The following TBC1D16 variants were observed in gnomAD, a reference collection of about 807,000 sequenced individuals.
The protein encoded by TBC1D16 is TBC1 domain family member 16.
TBC1D16 carries 58 observed loss-of-function variants against 74.7 expected under a neutral mutation model. That is an observed-to-expected ratio of 0.78 (90% CI 0.63 to 0.97). The LOEUF (loss-of-function observed/expected upper bound fraction) is 0.97. Among genes scored for constraint, TBC1D16 ranks in the 50% least tolerant of loss-of-function variants. The pLI, the probability that TBC1D16 is intolerant of heterozygous loss-of-function variation, is 0.00. For missense variants in TBC1D16, 1,014 were observed against 1,079.5 expected (o/e 0.94, Z 0.85); for synonymous variants, 493 against 474.7 (o/e 1.04, Z -0.50).
intron 3 of TBC1D16, among the ~76,000 whole-genome samples, chr17:79,965,256 A>G (rs1424765951): frequency 6.6e-6 from 1 of 151,710 alleles, no homozygotes; most frequent in Non-Finnish European, 1.5e-5. Flanking sequence ...ATTTTTTTGA[A>G]TTTTTAGTAG....
intron 8 of TBC1D16, 61 bp from the exon 9 acceptor site, chr17:79,947,892 C>G: frequency 7.0e-7 from 1 of 1,423,840 alleles, no homozygotes; most frequent in Non-Finnish European, 9.7e-7. Flanking sequence ...CACTGCCCAG[C>G]CTGCAGAACC....
chr17:79,963,639 T>C (rs1336470634), intron 3 of TBC1D16, among the ~76,000 whole-genome samples: 1 of 152,220 alleles, frequency 6.6e-6, no homozygotes, highest in Non-Finnish European at 1.5e-5. Flanking sequence ...ATTTTTAATT[T>C]TTTGAGGAAC....
chr17:79,965,010 G>A (rs1029836368), intron 3 of TBC1D16, among the ~76,000 whole-genome samples: 3 of 152,022 alleles, frequency 2.0e-5, no homozygotes, highest in African/African-American at 7.2e-5. Flanking sequence ...TACTTTCACC[G>A]CATTAAAAGA....
At chr17:80,005,095 T>C (rs1465813934) in intron 3 of TBC1D16, among the ~76,000 whole-genome samples, 2 of 152,112 alleles carry the variant, frequency 1.3e-5, no homozygotes, top group Non-Finnish European at 2.9e-5. Flanking sequence ...GTTGTTTTTG[T>C]TTTTGACAAG....
At position 79,987,277 on chromosome 17, in the gene TBC1D16, G is replaced by A. The variant is rs1456799915; in HGVS notation, c.779+22883C>T. 2.0e-5 allele frequency among the ~76,000 whole-genome samples: 3 copies of A among 151,590 alleles called. No individual in the cohort carries two copies. The highest frequency in any genetic ancestry group is 7.3e-5 in the African/African-American group (3 of 41,194). ...TTTTTTTCAGACTGGGTCTTGCTCT[G>A]TCACCCAGGCTGGAGTGCTGTGGTG... On this transcript the variant is annotated intron_variant, in intron 3 of 11. Coordinates refer to ENST00000310924, the MANE Select transcript of TBC1D16 (RefSeq NM_019020.4). This position sits in a 1 kb window ranked among gnomAD's most constrained non-coding sequence, Gnocchi z 5.2.
chr17:79,992,635 G>A (rs781685947), intron 3 of TBC1D16, among the ~76,000 whole-genome samples: 1 of 152,316 alleles, frequency 6.6e-6, no homozygotes. Flanking sequence ...CCACCCACCC[G>A]GTTTTCGGGG....
chr17:79,991,454 A>C (rs2035054393), intron 3 of TBC1D16, among the ~76,000 whole-genome samples: 1 of 152,170 alleles, frequency 6.6e-6, no homozygotes, highest in African/African-American at 2.4e-5. Flanking sequence ...TCAGCAGGGA[A>C]GGCAGAAGGC....
intron 1 of TBC1D16, among the ~76,000 whole-genome samples, chr17:80,024,593 C>CACACACCACAGACAT (rs2036466875): frequency 8.5e-6 from 1 of 117,182 alleles, no homozygotes; most frequent in African/African-American, 3.3e-5. Flanking sequence ...CACCACACAC[C>CACACACCACAGACAT]ACACACCATA....
At chr17:79,995,292 T>C (rs929928981) in intron 3 of TBC1D16, among the ~76,000 whole-genome samples, 5 of 150,440 alleles carry the variant, frequency 3.3e-5, no homozygotes, top group Non-Finnish European at 5.9e-5. Flanking sequence ...AAACTGAGAC[T>C]CCGTTTCAAA....
Position 79,942,183 on chromosome 17 carries a change from G to A in TBC1D16, c.1932C>T (p.Ile644=). Reference sequence around the variant, plus strand: ...CGTAGATGGCCACGATGGCCACGCAGATGAAAAGGTGGAAGTAGTCCGTCT... The same window carrying A: ...CGTAGATGGCCACGATGGCCACGCAAATGAAAAGGTGGAAGTAGTCCGTCT... ...HYQTDYFHLF[I]CVAIVAIYGD... The change falls in exon 11 of 12, where the codon ATC becomes ATT. Residue 644 remains isoleucine (I), a synonymous_variant. Coordinates refer to ENST00000310924, the MANE Select transcript of TBC1D16 (RefSeq NM_019020.4). 2.5e-6 allele frequency: 4 copies of A among 1,605,576 alleles called. No homozygotes were observed. Among genetic ancestry groups the A allele is most frequent in the Non-Finnish European group, 2.6e-6 (3 of 1,176,348 alleles).
At position 80,023,800 on chromosome 17, in the gene TBC1D16, GCCCAGCTGGC is replaced by G. The variant is rs1266427332; in HGVS notation, c.-62-10201_-62-10192del. The stretch of plus-strand genomic sequence containing the variant: ...GCCGCCCTCATCTCCCACCTCCCAG[GCCCAGCTGGC>G]GCCTCCAGCCCTGGTGTGAATTTCC... On this transcript the variant is annotated intron_variant, in intron 1 of 11. Transcript: ENST00000310924. 3 of 150,296 alleles carry G rather than the reference GCCCAGCTGGC, an allele frequency of 2.0e-5. No individual in the cohort carries two copies. In the East Asian group the frequency reaches 5.8e-4, roughly 29 times the overall value. 9.3% of individuals were successfully genotyped at this position (150,296 alleles called of 1,614,324 possible).
At chr17:80,024,428 C>CACACCACACACCA (rs1206178095) in intron 1 of TBC1D16, among the ~76,000 whole-genome samples, 1 of 96,562 alleles carries the variant, frequency 1.0e-5, no homozygotes, top group African/African-American at 4.2e-5. Flanking sequence ...GACACACACA[C>CACACCACACACCA]TACACATCAT....
In TBC1D16 at chr17:79,944,139, C is replaced by A. The variant is rs750388307; in HGVS notation, c.1908+769G>T. 6.5e-7 allele frequency: 1 copy of A among 1,535,796 alleles called. No homozygotes were observed. The highest frequency in any genetic ancestry group is 2.0e-5 in the Admixed American group (1 of 50,978). Reference sequence around the variant, plus strand: ...TGTGAGTGAGGACAGGAGACGCTGACGCAAATGTCTTCCAGCAGATGGGTG... The same window carrying A: ...TGTGAGTGAGGACAGGAGACGCTGAAGCAAATGTCTTCCAGCAGATGGGTG... On this transcript the variant is annotated intron_variant, in intron 10 of 11. Coordinates refer to ENST00000310924, the MANE Select transcript of TBC1D16 (RefSeq NM_019020.4). This position sits in a 1 kb window ranked among gnomAD's most constrained non-coding sequence, Gnocchi z 7.7.
chr17:80,016,010 CAAAAAA>C (rs60327293), intron 1 of TBC1D16, among the ~76,000 whole-genome samples: 24 of 89,650 alleles, frequency 2.7e-4, no homozygotes, highest in South Asian at 3.8e-4. Flanking sequence ...GACTCCATCT[CAAAAAA>C]AAAAAAAAAA....
intron 10 of TBC1D16, 25 bp from the exon 11 acceptor site, chr17:79,942,231 C>T: frequency 6.4e-7 from 1 of 1,567,772 alleles, no homozygotes; most frequent in Non-Finnish European, 8.7e-7. Context: ...AGAGTTCAGA[C>T]ACGGGCTCTG....
chr17:79,995,511 C>A (rs559649311), intron 3 of TBC1D16, among the ~76,000 whole-genome samples: 31 of 151,434 alleles, frequency 2.0e-4, no homozygotes, highest in Admixed American at 4.0e-4. Flanking sequence ...ATCGGCCGGG[C>A]GCGGTGGCTC....
chr17:79,944,941 C>T lies in TBC1D16; in HGVS notation c.1875G>A (p.Leu625=), dbSNP rs911942763. The stretch of plus-strand genomic sequence containing the variant: ...GGGCCCAGCAGGCCTCCCAGATCCG[C>T]AGCGCTTCGGCCTCGGGGAACTCCC... ...FKREFPEAEA[L]RIWEACWAHY... is the part of the protein sequence containing the mutation. Residue 625 remains leucine (L), a synonymous_variant, in exon 10 of 12, where the codon CTG becomes CTA. Coordinates refer to ENST00000310924, the MANE Select transcript of TBC1D16 (RefSeq NM_019020.4). The surrounding 1 kb of genome is among the most constrained non-coding windows in gnomAD (Gnocchi z 7.7). 12 of 1,553,018 alleles carry T rather than the reference C, an allele frequency of 7.7e-6. No individual in the cohort carries two copies. Among genetic ancestry groups the T allele is most frequent in the Non-Finnish European group, 1.0e-5 (12 of 1,148,204 alleles).
In TBC1D16 at chr17:79,951,172, G is replaced by A. The variant is rs111291166; in HGVS notation, c.1089+278C>T. Among the ~76,000 whole-genome samples, 5 of 152,334 alleles carry A rather than the reference G, an allele frequency of 3.3e-5. 1 individual carries two copies. The highest frequency in any genetic ancestry group is 1.2e-4 in the African/African-American group (5 of 41,570). ...ACAGTACCTTAAACAGATAATTAAA[G>A]AGCTCTTATTACATTTGTACGTAGA... On this transcript the variant is annotated intron_variant, in intron 5 of 11. Coordinates refer to ENST00000310924, the MANE Select transcript of TBC1D16 (RefSeq NM_019020.4).
intron 1 of TBC1D16, among the ~76,000 whole-genome samples, chr17:80,025,579 G>GCAC (rs1568650752): frequency 8.4e-6 from 1 of 119,720 alleles, no homozygotes; most frequent in African/African-American, 2.8e-5. Context: ...GCTGGGAGCA[G>GCAC]CCGCCTGCTG....
Sources: allele counts gnomAD v4.1 joint callset (sites outside exome capture counted in the v4.1 genomes callset), GRCh38; gene constraint gnomAD v4.1.1; non-coding constraint Gnocchi (gnomAD v3.1); transcripts MANE v1.5; gene names NCBI Gene and HGNC (gene_info 2026-07-23, HGNC 2026-07-21).